The following SPTLC2 variants were observed in gnomAD, a reference collection of about 807,000 sequenced individuals.
SPTLC2 encodes the protein serine palmitoyltransferase long chain base subunit 2, also known as serine palmitoyltransferase 2.
A neutral mutation model predicts 62.0 loss-of-function variants in SPTLC2; 21 were observed. The ratio of observed to expected loss-of-function variants is 0.34; its 90% CI spans 0.24 to 0.49. The LOEUF is 0.49. Among genes scored for constraint, SPTLC2 ranks in the 20% least tolerant of loss-of-function variants. The pLI is 0.99. For synonymous variants in SPTLC2, 261 were observed against 261.8 expected (o/e 1.00, Z 0.03); for missense variants, 511 against 713.0 (o/e 0.72, Z 3.23).
In SPTLC2 at chr14:77,521,649, T is replaced by C. The variant is rs986858246; in HGVS notation, c.1304-68A>G. 1.6e-5 allele frequency: 22 copies of C among 1,353,344 alleles called. No homozygotes were observed. The African/African-American group carries it at 2.3e-4, about 14-fold the overall frequency. The allele number at this position is 1,353,344 out of a possible 1,614,324, so 83.8% of individuals were successfully genotyped here. ...AAAGGAATGGAAAAAAGACAGTAAA[T>C]CTCCTCTATCTCCATTCTATCTAAT... On this transcript the variant is annotated intron_variant, in intron 9 of 11. Coordinates refer to ENST00000216484, the MANE Select transcript of SPTLC2 (RefSeq NM_004863.4).
chr14:77,527,715 A>G (rs2079416045), intron 9 of SPTLC2, among the ~76,000 whole-genome samples: 1 of 146,138 alleles, frequency 6.8e-6, no homozygotes, highest in Non-Finnish European at 1.5e-5. Context: ...TGTTCTATAA[A>G]TTTTCTGAAC....
chr14:77,510,096 G>T lies in SPTLC2; in HGVS notation c.*2188C>A. On this transcript the variant is annotated 3_prime_UTR_variant, in exon 12 of 12. Coordinates refer to ENST00000216484, the MANE Select transcript of SPTLC2 (RefSeq NM_004863.4). The stretch of plus-strand genomic sequence containing the variant: ...GGTAGGAAACTAGATGTGCAGAAAA[G>T]GTTGACAATGTATTTGATTTTATAG... 1 of 396,232 alleles carries T rather than the reference G, an allele frequency of 2.5e-6. No individual in the cohort carries two copies. 24.5% of individuals were successfully genotyped at this position (396,232 alleles called of 1,614,324 possible).
chr14:77,601,568 G>A (rs562558666), intron 1 of SPTLC2, among the ~76,000 whole-genome samples: 5 of 152,086 alleles, frequency 3.3e-5, no homozygotes, highest in Middle Eastern at 6.3e-3. Context: ...ACATGCACAC[G>A]TGAAACATTT....
At chr14:77,589,626 C>A (rs2079803892) in intron 2 of SPTLC2, among the ~76,000 whole-genome samples, 1 of 151,936 alleles carries the variant, frequency 6.6e-6, no homozygotes, top group South Asian at 2.1e-4. Flanking sequence ...CCTGTCTCTA[C>A]TAAAAATACA....
chr14:77,566,000 T>C (rs1204260414), intron 5 of SPTLC2, among the ~76,000 whole-genome samples: 1 of 152,198 alleles, frequency 6.6e-6, no homozygotes, highest in Non-Finnish European at 1.5e-5. Context: ...AGATTTCTCT[T>C]CAGCAAGTCA....
chr14:77,552,245 T>A, intron 8 of SPTLC2, 23 bp from the exon 9 acceptor site: 2 of 1,613,704 alleles, frequency 1.2e-6, no homozygotes, highest in Non-Finnish European at 1.7e-6. Flanking sequence ...CAGAGGCAGA[T>A]AAGTAGAGAC....
intron 5 of SPTLC2, among the ~76,000 whole-genome samples, chr14:77,569,270 A>G (rs941784748): frequency 5.3e-5 from 8 of 151,934 alleles, no homozygotes; most frequent in African/African-American, 1.9e-4. Flanking sequence ...ATAGGTTGCT[A>G]TTTTACATTA....
In SPTLC2 at chr14:77,529,620, C is replaced by CTTTCTTTTTTT. The variant is rs1555373703; in HGVS notation, c.1304-8040_1304-8039insAAAAAAAGAAA. On this transcript the variant is annotated intron_variant, in intron 9 of 11. Transcript: ENST00000216484. ...TTCTAGGAAAGCAATTTCTTTCTTT[C>CTTTCTTTTTTT]TTTTTTTTTTTTTTTTTTTTTTGAG... 6.4e-4 allele frequency among the ~76,000 whole-genome samples: 49 copies of CTTTCTTTTTTT among 76,060 alleles called. 6 individuals carry two copies. The highest frequency in any genetic ancestry group is 5.1e-3 in the East Asian group (7 of 1,368). 49.9% of individuals were successfully genotyped at this position (76,060 alleles called of 152,430 possible).
At chr14:77,608,535 T>C (rs1271556924) in intron 1 of SPTLC2, among the ~76,000 whole-genome samples, 1 of 152,198 alleles carries the variant, frequency 6.6e-6, no homozygotes, top group Non-Finnish European at 1.5e-5. Context: ...GTCCCTGCTA[T>C]GAGCTAGGCA....
chr14:77,559,776 A>C (rs2079604878), intron 6 of SPTLC2, among the ~76,000 whole-genome samples: 1 of 152,108 alleles, frequency 6.6e-6, no homozygotes, highest in South Asian at 2.1e-4. Context: ...CTACAGTCCT[A>C]GCTACTCAGG....
rs2079529689 is a variant in SPTLC2, at chr14:77,546,648, T to TGAG, written c.1303+5447_1303+5448insCTC. ...TTTTTCAAAGGCAAAGATCACCTATTGTTCAACTCTGCATCTCCCACACAG... is the reference window on the plus strand; with the variant it reads ...TTTTTCAAAGGCAAAGATCACCTATTGAGGTTCAACTCTGCATCTCCCACACAG... On this transcript the variant is annotated intron_variant, in intron 9 of 11. Coordinates refer to ENST00000216484, the MANE Select transcript of SPTLC2 (RefSeq NM_004863.4). Among the ~76,000 whole-genome samples, 5 of 152,320 alleles carry TGAG rather than the reference T, an allele frequency of 3.3e-5. No individual in the cohort carries two copies. The East Asian group carries it at 9.6e-4, about 29-fold the overall frequency.
chr14:77,531,054 G>T (rs1378593356), intron 9 of SPTLC2, among the ~76,000 whole-genome samples: 1 of 152,096 alleles, frequency 6.6e-6, no homozygotes, highest in Non-Finnish European at 1.5e-5. Flanking sequence ...AAGAGGTGGT[G>T]CCCACAGATT....
intron 2 of SPTLC2, among the ~76,000 whole-genome samples, chr14:77,584,181 C>T (rs2140045304): frequency 6.6e-6 from 1 of 152,246 alleles, no homozygotes; most frequent in Admixed American, 6.5e-5. Flanking sequence ...GAAAATATCC[C>T]ATATTGTTTA....
At chr14:77,559,928 AG>A (rs1464625081) in intron 6 of SPTLC2, among the ~76,000 whole-genome samples, 4 of 152,110 alleles carry the variant, frequency 2.6e-5, no homozygotes, top group Non-Finnish European at 5.9e-5. Context: ...ATAAAGGAAA[AG>A]ATAATTAATA....
intron 2 of SPTLC2, among the ~76,000 whole-genome samples, chr14:77,582,914 T>C (rs1397971579): frequency 4.6e-5 from 7 of 152,110 alleles, no homozygotes; most frequent in Admixed American, 6.6e-5. Context: ...AAAGATTTGA[T>C]AGGCATGGCT....
intron 4 of SPTLC2, among the ~76,000 whole-genome samples, chr14:77,574,176 T>A (rs2079700549): frequency 6.6e-6 from 1 of 152,142 alleles, no homozygotes; most frequent in South Asian, 2.1e-4. Flanking sequence ...CACAGGAAAC[T>A]AATACAACTG....
At chr14:77,573,984 T>C (rs4903609) in intron 4 of SPTLC2, among the ~76,000 whole-genome samples, 146,181 of 152,236 alleles carry the variant, frequency 0.96, 70,478 homozygotes, top group Middle Eastern at 1. Context: ...TGGAGTGATG[T>C]GCTATAAGCC....
intron 7 of SPTLC2, 73 bp downstream of exon 7, chr14:77,556,968 T>C: frequency 8.2e-7 from 1 of 1,212,878 alleles, no homozygotes; most frequent in Non-Finnish European, 1.2e-6. Context: ...TAGACTAATG[T>C]TCCCTTCAGT....
rs76689695 is a variant in SPTLC2, at chr14:77,512,622, G to C, written c.1570-219C>G. On this transcript the variant is annotated intron_variant, in intron 11 of 11. Transcript: ENST00000216484. ...TGAATAATGGGTTGTGAATAGCCAGGTATGCAGAATAAAGGCTATAATTCA... is the reference window on the plus strand; with the variant it reads ...TGAATAATGGGTTGTGAATAGCCAGCTATGCAGAATAAAGGCTATAATTCA... Among the ~76,000 whole-genome samples the C allele has an allele frequency of 8.6e-3, 1,316 of 152,318 alleles. 14 individuals carry two copies. Among genetic ancestry groups the C allele is most frequent in the African/African-American group, 0.029 (1,222 of 41,570 alleles).
Sources: allele counts gnomAD v4.1 joint callset (sites outside exome capture counted in the v4.1 genomes callset), GRCh38; gene constraint gnomAD v4.1.1; transcripts MANE v1.5; gene names NCBI Gene and HGNC (gene_info 2026-07-23, HGNC 2026-07-21).